Variants in CCSER1 observed in about 807,000 individuals in gnomAD.
The protein encoded by CCSER1 is coiled-coil serine rich protein 1.
In CCSER1, 41 loss-of-function variants were observed where a neutral mutation model predicts 82.0. The observed-to-expected ratio is 0.50, with a 90% confidence interval of 0.39 to 0.65. CCSER1 has a LOEUF of 0.65. Among genes scored for constraint, CCSER1 ranks in the 30% least tolerant of loss-of-function variants. CCSER1 has a pLI of 0.00. For missense variants in CCSER1, 1,119 were observed against 1,064.2 expected (o/e 1.05, Z -0.72); for synonymous variants, 414 against 383.9 (o/e 1.08, Z -0.92).
chr4:91,207,846 A>T lies in CCSER1; in HGVS notation c.2217+121852A>T, dbSNP rs1736470814. ...GGTTGAACTAATTTCCACTCCCACC[A>T]GCAGTGCATAAGTGTTCCTTTTTCT... On this transcript the variant is annotated intron_variant, in intron 10 of 10. Transcript: ENST00000509176. Among the ~76,000 whole-genome samples, 3 of 152,066 alleles carry T rather than the reference A, an allele frequency of 2.0e-5. No homozygotes were observed. In the South Asian group the frequency reaches 6.2e-4, roughly 32 times the overall value.
chr4:91,163,311 T>C (rs995765363), intron 10 of CCSER1, among the ~76,000 whole-genome samples: 2 of 152,244 alleles, frequency 1.3e-5, no homozygotes, highest in Non-Finnish European at 2.9e-5. Context: ...TGTTGTGATG[T>C]CTGTTCTTTT....
At chr4:91,464,411 A>G (rs1560692362) in intron 10 of CCSER1, among the ~76,000 whole-genome samples, 1 of 152,222 alleles carries the variant, frequency 6.6e-6, no homozygotes, top group Non-Finnish European at 1.5e-5. Context: ...GCCAAAATAT[A>G]AAGACCATCG....
chr4:90,645,081 TAAAA>T (rs70963077), intron 6 of CCSER1, among the ~76,000 whole-genome samples: 1 of 131,346 alleles, frequency 7.6e-6, no homozygotes. Context: ...AAACTCCGTC[TAAAA>T]AAAAAAAAAA....
At chr4:90,427,553 T>G (rs1328625732) in intron 4 of CCSER1, among the ~76,000 whole-genome samples, 1 of 151,638 alleles carries the variant, frequency 6.6e-6, no homozygotes, top group Non-Finnish European at 1.5e-5. Flanking sequence ...AAATTTGTCA[T>G]TCACTATCTA....
intron 7 of CCSER1, among the ~76,000 whole-genome samples, chr4:90,793,946 T>G (rs11946902): frequency 0.35 from 52,915 of 152,036 alleles, 9,570 homozygotes; most frequent in African/African-American, 0.46. Flanking sequence ...TATGATTGTT[T>G]GCTGAATGTA....
chr4:90,415,329 G>A lies in CCSER1; in HGVS notation c.1603+15200G>A, dbSNP rs189313205. ...CAGTTCAGTATTAACAGTTCTAAAC[G>A]GTGCCACGTCAGTGTGGCAAAAGCT... On this transcript the variant is annotated intron_variant, in intron 4 of 10. Coordinates refer to ENST00000509176, the MANE Select transcript of CCSER1 (RefSeq NM_001145065.2). 2.0e-4 allele frequency among the ~76,000 whole-genome samples: 31 copies of A among 152,254 alleles called. No homozygotes were observed. In the East Asian group the frequency reaches 5.8e-3, roughly 28 times the overall value.
intron 10 of CCSER1, among the ~76,000 whole-genome samples, chr4:91,222,620 T>G (rs1221069166): frequency 6.6e-6 from 1 of 152,158 alleles, no homozygotes; most frequent in Admixed American, 6.5e-5. Flanking sequence ...AATTACTGGG[T>G]TTTTTTAGTA....
chr4:91,155,573 G>A (rs1022732435), intron 10 of CCSER1, among the ~76,000 whole-genome samples: 2 of 151,712 alleles, frequency 1.3e-5, no homozygotes, highest in African/African-American at 2.4e-5. Flanking sequence ...AAGTAGAGAG[G>A]GTCAACTTTC....
intron 10 of CCSER1, among the ~76,000 whole-genome samples, chr4:91,371,131 G>A (rs1750013619): frequency 1.3e-5 from 2 of 152,074 alleles, no homozygotes; most frequent in Non-Finnish European, 2.9e-5. Context: ...CCAAAGTGCT[G>A]GGATTACAGG....
chr4:90,692,671 A>G (rs1481706713), intron 6 of CCSER1, among the ~76,000 whole-genome samples: 4 of 151,490 alleles, frequency 2.6e-5, no homozygotes, highest in Non-Finnish European at 5.9e-5. Context: ...CAATTAGCTA[A>G]CATAATTAGA....
chr4:90,746,445 T>C (rs1426698574), intron 7 of CCSER1, among the ~76,000 whole-genome samples: 1 of 152,186 alleles, frequency 6.6e-6, no homozygotes, highest in African/African-American at 2.4e-5. Flanking sequence ...ACAAATCCTA[T>C]CAAGCTATAC....
chr4:91,169,583 T>C (rs1240710289), intron 10 of CCSER1, among the ~76,000 whole-genome samples: 1 of 152,174 alleles, frequency 6.6e-6, no homozygotes, highest in Admixed American at 6.5e-5. Flanking sequence ...ATCACACCAC[T>C]GCACTCTAGC....
At chr4:90,517,593 G>A (rs868517163) in intron 5 of CCSER1, among the ~76,000 whole-genome samples, 1 of 152,090 alleles carries the variant, frequency 6.6e-6, no homozygotes, top group Admixed American at 6.6e-5. Flanking sequence ...ATTTAAACTG[G>A]TGTGATCCAG....
chr4:90,131,410 T>C (rs963976400), intron 1 of CCSER1, among the ~76,000 whole-genome samples: 5 of 152,212 alleles, frequency 3.3e-5, no homozygotes, highest in African/African-American at 1.2e-4. Flanking sequence ...ATCTCACTAA[T>C]GTGTTGAGTA....
chr4:91,558,213 C>T lies in CCSER1; in HGVS notation c.2218-40359C>T, dbSNP rs186967637. Among the ~76,000 whole-genome samples, 1,477 of 151,280 alleles carry T rather than the reference C, an allele frequency of 9.8e-3. 13 individuals carry two copies. The highest frequency in any genetic ancestry group is 0.014 in the Non-Finnish European group (965 of 67,574). ...CTTATCCAAAGGATATATTCTCTTC[C>T]AAAACTTCATTGATCCAAAAAACAA... On this transcript the variant is annotated intron_variant, in intron 10 of 10. Transcript: ENST00000509176.
intron 4 of CCSER1, among the ~76,000 whole-genome samples, chr4:90,454,740 A>G (rs1560542410): frequency 6.6e-6 from 1 of 152,190 alleles, no homozygotes; most frequent in African/African-American, 2.4e-5. Context: ...GATCTGATTC[A>G]AAAGTAACAT....
intron 5 of CCSER1, among the ~76,000 whole-genome samples, chr4:90,538,756 C>T (rs973649440): frequency 8.6e-5 from 13 of 151,928 alleles, no homozygotes; most frequent in Admixed American, 6.6e-4. Flanking sequence ...TATGAAATCT[C>T]TAGATTGTCT....
At chr4:91,506,288 C>T (rs2110104319) in intron 10 of CCSER1, among the ~76,000 whole-genome samples, 1 of 152,242 alleles carries the variant, frequency 6.6e-6, no homozygotes, top group Non-Finnish European at 1.5e-5. Flanking sequence ...TTCCATTGGT[C>T]TATGTGTCTG....
At chr4:91,139,119 TA>T (rs1376244072) in intron 10 of CCSER1, among the ~76,000 whole-genome samples, 2 of 152,160 alleles carry the variant, frequency 1.3e-5, no homozygotes, top group African/African-American at 4.8e-5. Context: ...TGCTTACAAG[TA>T]AAAACATGTG....
Sources: gnomAD v4.1 joint callset for allele counts (sites outside exome capture counted in the v4.1 genomes callset) on GRCh38, gnomAD v4.1.1 for gene constraint, MANE v1.5 for transcripts, NCBI Gene and HGNC (gene_info 2026-07-23, HGNC 2026-07-21) for gene names.